TM4SF4: variants seen among roughly 807,000 people sequenced by gnomAD.
TM4SF4 encodes the protein transmembrane 4 L six family member 4.
In TM4SF4, 24 loss-of-function variants were observed where a neutral mutation model predicts 24.1. That is an observed-to-expected ratio of 1.00 (90% confidence interval 0.72 to 1.40). TM4SF4 has a LOEUF of 1.40. Among genes scored for constraint, TM4SF4 ranks in the 40% most tolerant of loss-of-function variants. The pLI, the probability that TM4SF4 is intolerant of heterozygous loss-of-function variation, is 0.00. For synonymous variants in TM4SF4, 113 were observed against 97.0 expected, an observed-to-expected ratio of 1.17 and a Z score of -0.97; for missense variants, 254 against 254.2, an observed-to-expected ratio of 1.00 and a Z score of 0.01.
chr3:149,496,627 A>G (rs55965250), intron 3 of TM4SF4, among the ~76,000 whole-genome samples: 13,018 of 152,110 alleles, frequency 0.086, 1,099 homozygotes, highest in East Asian at 0.43. Flanking sequence ...AATTAGCCGG[A>G]TGTGGTGGCA....
At chr3:149,484,605 G>A (rs559016259) in intron 2 of TM4SF4, among the ~76,000 whole-genome samples, 1 of 149,824 alleles carries the variant, frequency 6.7e-6, no homozygotes, top group South Asian at 2.1e-4. Context: ...AGGCTGGAGT[G>A]CAGTAGCGTG....
intron 3 of TM4SF4, among the ~76,000 whole-genome samples, chr3:149,497,674 C>T (rs765350602): frequency 5.9e-5 from 9 of 151,918 alleles, no homozygotes; most frequent in South Asian, 4.2e-4. Flanking sequence ...GATGGAGTTT[C>T]GTTCTTGTTG....
At chr3:149,485,667 G>A (rs1377206620) in intron 2 of TM4SF4, among the ~76,000 whole-genome samples, 1 of 152,198 alleles carries the variant, frequency 6.6e-6, no homozygotes, top group Non-Finnish European at 1.5e-5. Context: ...GGTGGTGCAT[G>A]CCTGTAGTCC....
At chr3:149,491,570 C>CAT (rs915930559) in intron 3 of TM4SF4, among the ~76,000 whole-genome samples, 33 of 149,696 alleles carry the variant, frequency 2.2e-4, no homozygotes, top group African/African-American at 6.1e-4. Context: ...TATATGTGTA[C>CAT]ATATATATAC....
chr3:149,494,781 A>C (rs1734281606), intron 3 of TM4SF4: 1 of 152,488 alleles, frequency 6.6e-6, no homozygotes, highest in Non-Finnish European at 1.5e-5. Flanking sequence ...ACCATCGATG[A>C]ATTTGAGAAG....
In TM4SF4 at chr3:149,474,860, G is replaced by C; in HGVS notation, c.-18G>C. On this transcript the variant is annotated 5_prime_UTR_variant, in exon 1 of 5. Coordinates refer to ENST00000305354, the MANE Select transcript of TM4SF4 (RefSeq NM_004617.4). ...GTGAGGAGCTTTTGATTGCTGACCT[G>C]TGTCGTACCACCCCAGAATGTGCAC... The C allele has an allele frequency of 1.9e-6, 3 of 1,605,770 alleles. No individual in the cohort carries two copies. Among genetic ancestry groups the C allele is most frequent in the Non-Finnish European group, 2.5e-6 (3 of 1,176,662 alleles).
chr3:149,493,403 A>C (rs9880538), intron 3 of TM4SF4, among the ~76,000 whole-genome samples: 127,249 of 152,194 alleles, frequency 0.84, 54,847 homozygotes, highest in Non-Finnish European at 0.95. Flanking sequence ...AGAGCACTGG[A>C]TTTGGAGTCA....
chr3:149,495,619 C>A, intron 3 of TM4SF4: 1 of 336,560 alleles, frequency 3.0e-6, no homozygotes, highest in South Asian at 3.3e-5. Flanking sequence ...AAAAATGACC[C>A]ACCAATGGGA....
rs1235629432 is a variant in TM4SF4, at chr3:149,475,041, G to A, written c.164G>A (p.Ser55Asn). The A allele has an allele frequency of 6.2e-7, 1 of 1,608,122 alleles. No individual in the cohort carries two copies. The highest frequency in any genetic ancestry group is 2.2e-5 in the East Asian group (1 of 44,866). The change falls in exon 1 of 5, where the codon AGC becomes AAC. Residue 55 changes from serine to asparagine, a missense_variant. Physicochemically the swap from Ser to Asn is conservative, Grantham distance 46. Transcript: ENST00000305354. ...TGGTTTTTCGGAGGAATATTAGGAA[G>A]CGGTGTCTTGGTGAGTAGGGAAGCT... ...EIWFFGGILGSGVLMIFPALV... is the reference protein window; with the variant it reads ...EIWFFGGILGNGVLMIFPALV...
intron 2 of TM4SF4, among the ~76,000 whole-genome samples, chr3:149,485,936 C>T (rs1342597675): frequency 6.6e-6 from 1 of 152,140 alleles, no homozygotes; most frequent in Admixed American, 6.5e-5. Flanking sequence ...GAGAGTCAGA[C>T]AAAGCACATG....
chr3:149,479,834 C>G (rs974654290), intron 2 of TM4SF4, among the ~76,000 whole-genome samples: 1 of 152,194 alleles, frequency 6.6e-6, no homozygotes, highest in Non-Finnish European at 1.5e-5. Flanking sequence ...CTTCTCTCAT[C>G]TGCATTATAT....
intron 2 of TM4SF4, among the ~76,000 whole-genome samples, chr3:149,477,403 C>T (rs996137591): frequency 1.3e-5 from 2 of 152,194 alleles, no homozygotes; most frequent in Non-Finnish European, 2.9e-5. Context: ...ACATGTCCAC[C>T]TAAAAGATTC....
At chr3:149,487,582 C>G in intron 2 of TM4SF4, 37 bp from the exon 3 acceptor site, 1 of 1,613,050 alleles carries the variant, frequency 6.2e-7, no homozygotes, top group African/African-American at 1.3e-5. Flanking sequence ...CTCTGGACCA[C>G]CTGGAGAATG....
intron 2 of TM4SF4, among the ~76,000 whole-genome samples, chr3:149,478,319 A>G (rs1406888674): frequency 6.6e-6 from 1 of 151,902 alleles, no homozygotes; most frequent in Non-Finnish European, 1.5e-5. Context: ...CTAATTTTGT[A>G]TTTTTAGTAG....
chr3:149,494,285 G>A (rs1277353647), intron 3 of TM4SF4, among the ~76,000 whole-genome samples: 1 of 152,180 alleles, frequency 6.6e-6, no homozygotes, highest in Non-Finnish European at 1.5e-5. Flanking sequence ...TGCAGCAGGA[G>A]TGGAACTCAT....
rs991205592 is a variant in TM4SF4 at position 149,502,972 on chromosome 3, A to AT, written c.*286dup. ...ACAGGTTCAAAGCATACTTTTCATG[A>AT]TTTTTTTATTACAAATGTAAAATGT... On this transcript the variant is annotated 3_prime_UTR_variant, in exon 5 of 5. Coordinates refer to ENST00000305354, the MANE Select transcript of TM4SF4 (RefSeq NM_004617.4). The AT allele has an allele frequency of 2.0e-5, 7 of 345,446 alleles. No homozygotes were observed. Among genetic ancestry groups the AT allele is most frequent in the South Asian group, 6.2e-5 (1 of 16,096 alleles). 21.4% of individuals were successfully genotyped at this position (345,446 alleles called of 1,614,324 possible).
chr3:149,475,665 T>C (rs1175817016), intron 1 of TM4SF4, 158 bp from the exon 2 acceptor site: 1 of 627,890 alleles, frequency 1.6e-6, no homozygotes. Flanking sequence ...AAGTACTCCA[T>C]AACACTCCAT....
In TM4SF4 at chr3:149,487,714, C is replaced by T. The variant is rs1032705631; in HGVS notation, c.360C>T (p.Cys120=). Residue 120 remains cysteine (C), a synonymous_variant, in exon 3 of 5, where the codon TGC becomes TGT. Transcript: ENST00000305354. ...SAISINKGPK[C]LMANSTWGYP... ...TTTCAATCAACAAGGGTCCTAAATG[C>T]CTCATGGCCAATAGTACATGGGGCT... 2 of 1,614,056 alleles carry T rather than the reference C, an allele frequency of 1.2e-6. No individual in the cohort carries two copies. The highest frequency in any genetic ancestry group is 1.7e-6 in the Non-Finnish European group (2 of 1,179,892).
intron 2 of TM4SF4, among the ~76,000 whole-genome samples, chr3:149,481,155 G>A (rs1395057194): frequency 6.6e-6 from 1 of 152,024 alleles, no homozygotes; most frequent in Non-Finnish European, 1.5e-5. Flanking sequence ...CCACCACGCC[G>A]GCATCTTCAG....
Sources: allele counts gnomAD v4.1 joint callset (sites outside exome capture counted in the v4.1 genomes callset), GRCh38; gene constraint gnomAD v4.1.1; transcripts MANE v1.5; gene names NCBI Gene and HGNC (gene_info 2026-07-23, HGNC 2026-07-21).